The following LGR4 variants were observed in gnomAD, a reference collection of about 807,000 sequenced individuals.
LGR4 encodes leucine rich repeat containing G protein-coupled receptor 4.
Under a neutral mutation model 84.8 loss-of-function variants are expected in LGR4, and 44 were observed. That is an observed-to-expected ratio of 0.52 (90% CI 0.41 to 0.67). The LOEUF (loss-of-function observed/expected upper bound fraction) is 0.67. LGR4 is among the 30% of genes least tolerant of loss of function. The pLI, the probability that LGR4 is intolerant of heterozygous loss-of-function variation, is 0.00. For synonymous variants in LGR4, 429 were observed against 434.3 expected (o/e 0.99, Z 0.15); for missense variants, 1,032 against 1,131.4 (o/e 0.91, Z 1.26).
rs1215364535 is a variant in LGR4 at position 27,453,360 on chromosome 11, C to T, written c.185+18758G>A. On this transcript the variant is annotated intron_variant, in intron 1 of 17. Coordinates refer to ENST00000379214, the MANE Select transcript of LGR4 (RefSeq NM_018490.5). ...GGGATTACAGGCGTGAGCCACCACG[C>T]CCGGCCAAGAGGAACTTTTTAAATT... Among the ~76,000 whole-genome samples, 3 of 152,184 alleles carry T rather than the reference C, an allele frequency of 2.0e-5. 1 individual carries two copies. The highest frequency in any genetic ancestry group is 4.8e-5 in the African/African-American group (2 of 41,438).
chr11:27,464,804 C>T (rs531242694), intron 1 of LGR4, among the ~76,000 whole-genome samples: 6 of 152,124 alleles, frequency 3.9e-5, no homozygotes, highest in African/African-American at 1.4e-4. Context: ...GGGTTCTACA[C>T]TCTGATTCAA....
At chr11:27,456,411 G>C (rs989189729) in intron 1 of LGR4, among the ~76,000 whole-genome samples, 21 of 152,182 alleles carry the variant, frequency 1.4e-4, no homozygotes, top group African/African-American at 5.1e-4. Context: ...GCTCATGGGT[G>C]ATTCACTTTT....
chr11:27,424,973 T>C (rs1198434798), intron 1 of LGR4, among the ~76,000 whole-genome samples: 2 of 152,070 alleles, frequency 1.3e-5, no homozygotes, highest in East Asian at 3.9e-4. Context: ...GTCTAAACTC[T>C]TGACCTCAGG....
chr11:27,442,465 C>T (rs779806699), intron 1 of LGR4, among the ~76,000 whole-genome samples: 15 of 152,144 alleles, frequency 9.9e-5, no homozygotes, highest in Non-Finnish European at 1.0e-4. Context: ...ATTTTAGGGG[C>T]CTCATTCTTC....
At chr11:27,381,177 TC>T (rs1863085748) in intron 7 of LGR4, among the ~76,000 whole-genome samples, 7 of 152,210 alleles carry the variant, frequency 4.6e-5, no homozygotes, top group Non-Finnish European at 4.4e-5. Context: ...TAGCTTGGTA[TC>T]TATCAGATCC....
At chr11:27,413,433 C>T (rs1345325901) in intron 1 of LGR4, among the ~76,000 whole-genome samples, 1 of 152,104 alleles carries the variant, frequency 6.6e-6, no homozygotes, top group Non-Finnish European at 1.5e-5. Context: ...TCCAGTTTTC[C>T]CTTAAGAGCG....
chr11:27,376,946 G>C (rs547419829), intron 12 of LGR4, among the ~76,000 whole-genome samples: 18 of 151,962 alleles, frequency 1.2e-4, no homozygotes, highest in Admixed American at 7.9e-4. Context: ...ACTCCCCCCC[G>C]CATAGCGTTT....
intron 4 of LGR4, among the ~76,000 whole-genome samples, chr11:27,387,214 G>A (rs1328349249): frequency 6.6e-6 from 1 of 152,134 alleles, no homozygotes; most frequent in East Asian, 1.9e-4. Flanking sequence ...CATCTTGTTA[G>A]GTACAAAGGA....
chr11:27,412,851 A>C lies in LGR4; in HGVS notation c.195T>G (p.Ser65Arg). The C allele has an allele frequency of 1.3e-6, 2 of 1,597,584 alleles. No homozygotes were observed. Among genetic ancestry groups the C allele is most frequent in the Non-Finnish European group, 8.6e-7 (1 of 1,165,618 alleles). ...LSAFTQALDI[S>R]MNNITQLPED... The stretch of plus-strand genomic sequence containing the variant: ...CTGGCAACTGAGTAATGTTGTTCAT[A>C]CTGATATCCCTGGAAAACGTAAAGT... Residue 65 changes from serine (S) to arginine (R), a missense_variant, in exon 2 of 18, where the codon AGT (serine) becomes AGG (arginine). Ser to Arg is a moderately radical substitution (Grantham distance 110). Transcript: ENST00000379214.
At chr11:27,402,462 A>C (rs1863522307) in intron 2 of LGR4, among the ~76,000 whole-genome samples, 1 of 152,142 alleles carries the variant, frequency 6.6e-6, no homozygotes, top group Non-Finnish European at 1.5e-5. Flanking sequence ...CAACTCCATA[A>C]ATCAGCCCTG....
chr11:27,437,919 G>A (rs1864239540), intron 1 of LGR4, among the ~76,000 whole-genome samples: 1 of 152,044 alleles, frequency 6.6e-6, no homozygotes, highest in Non-Finnish European at 1.5e-5. Context: ...AGGTGGCTGA[G>A]ATGGAAGGAC....
At chr11:27,403,580 A>C (rs1035434374) in intron 2 of LGR4, among the ~76,000 whole-genome samples, 2 of 152,244 alleles carry the variant, frequency 1.3e-5, no homozygotes, top group African/African-American at 4.8e-5. Context: ...ATGTATTAAT[A>C]TGTAAAATTA....
intron 4 of LGR4, among the ~76,000 whole-genome samples, chr11:27,388,626 T>C (rs760205807): frequency 3.9e-4 from 59 of 152,284 alleles, no homozygotes; most frequent in Non-Finnish European, 7.2e-4. Context: ...AACTCATGTA[T>C]TTTTAAATTT....
intron 1 of LGR4, among the ~76,000 whole-genome samples, chr11:27,468,771 T>C (rs994555210): frequency 6.6e-6 from 1 of 151,660 alleles, no homozygotes; most frequent in Non-Finnish European, 1.5e-5. Context: ...AAAGCTATGA[T>C]CAAGGACTCA....
intron 1 of LGR4, among the ~76,000 whole-genome samples, chr11:27,443,846 C>T (rs575592136): frequency 1.3e-5 from 2 of 152,262 alleles, no homozygotes; most frequent in African/African-American, 4.8e-5. Flanking sequence ...TGGAAAAAGA[C>T]GGCCCAATAA....
intron 2 of LGR4, among the ~76,000 whole-genome samples, chr11:27,406,050 T>C (rs186004596): frequency 6.6e-6 from 1 of 152,262 alleles, no homozygotes; most frequent in East Asian, 1.9e-4. Flanking sequence ...AATTCAAAAT[T>C]GCAACCAAAC....
At chr11:27,380,822 TC>T in intron 8 of LGR4, 72 bp downstream of exon 8, 1 of 1,188,692 alleles carries the variant, frequency 8.4e-7, no homozygotes, top group Non-Finnish European at 1.3e-6. Context: ...TCATTCTTTA[TC>T]AGGGTGTTTG....
chr11:27,407,686 G>A (rs1050357367), intron 2 of LGR4, among the ~76,000 whole-genome samples: 2 of 151,502 alleles, frequency 1.3e-5, no homozygotes, highest in African/African-American at 2.4e-5. Flanking sequence ...TTTCTTTTTC[G>A]CTAAAGGATA....
chr11:27,431,921 A>G (rs1320994217), intron 1 of LGR4, among the ~76,000 whole-genome samples: 1 of 152,192 alleles, frequency 6.6e-6, no homozygotes, highest in Non-Finnish European at 1.5e-5. Flanking sequence ...CATGGCATCC[A>G]CCTCACAAGG....
Sources: gnomAD v4.1 joint callset for allele counts (sites outside exome capture counted in the v4.1 genomes callset) on GRCh38, gnomAD v4.1.1 for gene constraint, MANE v1.5 for transcripts, NCBI Gene and HGNC (gene_info 2026-07-23, HGNC 2026-07-21) for gene names.